KRABD2: variants seen among roughly 807,000 people sequenced by gnomAD.
The protein encoded by KRABD2 is KRAB domain-containing protein 2.
chr17:8,370,197 A>G, the KRABD2 span: 1 of 1,612,890 alleles, frequency 6.2e-7, no homozygotes, highest in East Asian at 2.2e-5. Context: ...AACTTCCTTT[A>G]TTGTTTGAAA....
At chr17:8,376,138 G>A in the KRABD2 span, 11 of 1,231,642 alleles carry the variant, frequency 8.9e-6, no homozygotes, top group Non-Finnish European at 1.1e-5. Context: ...CTACCTGCCT[G>A]TACCCCCTTT....
chr17:8,373,887 G>A, the KRABD2 span: 2 of 153,848 alleles, frequency 1.3e-5, no homozygotes, highest in South Asian at 1.7e-4. Flanking sequence ...GGTGAGGAGC[G>A]TCTCTGCCCA....
chr17:8,370,428 A>G, the KRABD2 span: 10 of 1,288,496 alleles, frequency 7.8e-6, no homozygotes, highest in South Asian at 3.0e-5. Flanking sequence ...ATTCACTGAC[A>G]CTCCCACCTG....
chr17:8,363,631 G>C, the KRABD2 span, among the ~76,000 whole-genome samples: 1 of 151,850 alleles, frequency 6.6e-6, no homozygotes, highest in Non-Finnish European at 1.5e-5. Context: ...ACAGGCATGA[G>C]CCACTGCACC....
chr17:8,368,775 T>A, the KRABD2 span: 1 of 184,904 alleles, frequency 5.4e-6, no homozygotes, highest in African/African-American at 2.4e-5. Flanking sequence ...TAGCTGGGAT[T>A]ACAGGCACAC....
the KRABD2 span, among the ~76,000 whole-genome samples, chr17:8,374,069 G>A: frequency 1.6e-4 from 24 of 150,350 alleles, no homozygotes; most frequent in Middle Eastern, 7.1e-3. Flanking sequence ...CCGGCCGGCC[G>A]CCCCGTCTGG....
At chr17:8,367,333 C>A in the KRABD2 span, 1 of 152,072 alleles carries the variant, frequency 6.6e-6, no homozygotes, top group East Asian at 2.0e-4. Flanking sequence ...CCCGTCTCTA[C>A]TAAAAATACA....
chr17:8,372,663 TC>T, the KRABD2 span, among the ~76,000 whole-genome samples: 1 of 152,248 alleles, frequency 6.6e-6, no homozygotes, highest in Non-Finnish European at 1.5e-5. This position sits in a 1 kb window ranked among gnomAD's most constrained non-coding sequence, Gnocchi z 4.1. Context: ...CCTTCCAGAT[TC>T]CTTTCTGAAA....
the KRABD2 span, among the ~76,000 whole-genome samples, chr17:8,364,193 T>A: frequency 1.3e-5 from 2 of 152,108 alleles, no homozygotes; most frequent in East Asian, 3.8e-4. The surrounding 1 kb of genome is among the most constrained non-coding windows in gnomAD (Gnocchi z 4.4). Flanking sequence ...TCATTATTTT[T>A]AAATGTTTAA....
chr17:8,371,221 A>G, the KRABD2 span: 2 of 1,192,416 alleles, frequency 1.7e-6, no homozygotes, highest in East Asian at 4.7e-5. Context: ...TGGGGAATCG[A>G]GAAGAAAGCT....
the KRABD2 span, among the ~76,000 whole-genome samples, chr17:8,372,341 A>C: frequency 1.3e-5 from 2 of 152,214 alleles, no homozygotes; most frequent in Admixed American, 1.3e-4. The surrounding 1 kb of genome is among the most constrained non-coding windows in gnomAD (Gnocchi z 4.1). Flanking sequence ...AAAATTTAAA[A>C]TGTGAAAAAT....
chr17:8,367,369 C>T, the KRABD2 span, among the ~76,000 whole-genome samples: 4 of 151,796 alleles, frequency 2.6e-5, no homozygotes, highest in Non-Finnish European at 5.9e-5. Flanking sequence ...CGTGGGGGTG[C>T]GTGCCTGTAG....
the KRABD2 span, among the ~76,000 whole-genome samples, chr17:8,362,804 C>T: frequency 6.6e-6 from 1 of 152,324 alleles, no homozygotes; most frequent in Non-Finnish European, 1.5e-5. This position sits in a 1 kb window ranked among gnomAD's most constrained non-coding sequence, Gnocchi z 4.2. Flanking sequence ...GGCCTCTCCA[C>T]AGGCTGCCTG....
chr17:8,375,885 A>G, the KRABD2 span: 1 of 1,226,928 alleles, frequency 8.2e-7, no homozygotes. Context: ...AGCCATGTTT[A>G]CTCCCTTCAC....
chr17:8,376,504 G>T, the KRABD2 span: 3 of 997,836 alleles, frequency 3.0e-6, no homozygotes, highest in African/African-American at 5.2e-5. Context: ...CCTTTGTGTA[G>T]CCTTCCTACC....
chr17:8,371,880 CTG>C, the KRABD2 span: 1 of 1,009,852 alleles, frequency 9.9e-7, no homozygotes, highest in African/African-American at 1.7e-5. Context: ...CTACCTGCCA[CTG>C]TGATCAGATA....
chr17:8,362,329 CA>C, the KRABD2 span, among the ~76,000 whole-genome samples: 15,810 of 133,830 alleles, frequency 0.12, 884 homozygotes, highest in Middle Eastern at 0.18. This position sits in a 1 kb window ranked among gnomAD's most constrained non-coding sequence, Gnocchi z 4.2. Flanking sequence ...GATTCCATCT[CA>C]AAAAAAAAAA....
chr17:8,370,270 T>G, the KRABD2 span: 3 of 1,613,330 alleles, frequency 1.9e-6, no homozygotes, highest in Non-Finnish European at 2.5e-6. Context: ...TTTGTTACAC[T>G]CATAAGAAAC....
the KRABD2 span, among the ~76,000 whole-genome samples, chr17:8,363,815 C>CATATAT: frequency 0.019 from 1,884 of 101,416 alleles, 93 homozygotes; most frequent in African/African-American, 0.069. Context: ...ATATATCATA[C>CATATAT]ATATATATAT....
Sources: gnomAD v4.1 joint callset for allele counts (sites outside exome capture counted in the v4.1 genomes callset) on GRCh38, gnomAD v4.1.1 for gene constraint, Gnocchi (gnomAD v3.1) non-coding constraint, MANE v1.5 for transcripts, NCBI Gene and HGNC (gene_info 2026-07-23, HGNC 2026-07-21) for gene names.